ANKDD1A: variants seen among roughly 807,000 people sequenced by gnomAD.
ANKDD1A encodes ankyrin repeat and death domain-containing protein 1A.
ANKDD1A carries 59 observed loss-of-function variants against 63.5 expected under a neutral mutation model. The observed-to-expected ratio is 0.93, with a 90% CI of 0.75 to 1.15. ANKDD1A has a LOEUF of 1.15. ANKDD1A is among the 50% of genes most tolerant of loss of function. The pLI, the probability that ANKDD1A is intolerant of heterozygous loss-of-function variation, is 0.00. For missense variants in ANKDD1A, 632 were observed against 656.4 expected (o/e 0.96, Z 0.41); for synonymous variants, 266 against 263.9 (o/e 1.01, Z -0.08).
At chr15:64,933,831 A>C (rs2085107694) in intron 8 of ANKDD1A, among the ~76,000 whole-genome samples, 1 of 150,788 alleles carries the variant, frequency 6.6e-6, no homozygotes, top group South Asian at 2.1e-4. Context: ...ACAGAGTGAG[A>C]CTCTGTCTCG....
chr15:64,954,073 CTCTTTTCT>C (rs1405217626), intron 14 of ANKDD1A, among the ~76,000 whole-genome samples: 44,450 of 85,604 alleles, frequency 0.52, 8,052 homozygotes, highest in Non-Finnish European at 0.61. Context: ...TTTCTTCTTC[CTCTTTTCT>C]TCTTCTTTCT....
chr15:64,930,475 A>G (rs2085080851), intron 6 of ANKDD1A, among the ~76,000 whole-genome samples: 1 of 152,152 alleles, frequency 6.6e-6, no homozygotes, highest in African/African-American at 2.4e-5. Context: ...GAGGCAGGTG[A>G]CTGAGCCAAG....
intron 5 of ANKDD1A, 133 bp from the exon 6 acceptor site, chr15:64,926,768 G>A (rs78030869): frequency 0.011 from 9,756 of 874,876 alleles, 181 homozygotes; most frequent in East Asian, 0.068. Context: ...GAGGCAAGGG[G>A]AGAGGACAGT....
intron 14 of ANKDD1A, among the ~76,000 whole-genome samples, chr15:64,956,891 A>G (rs1469534786): frequency 6.6e-6 from 1 of 152,172 alleles, no homozygotes; most frequent in East Asian, 1.9e-4. Context: ...ATTCTAAAAC[A>G]TATTTGTGAT....
chr15:64,940,599 A>AT lies in ANKDD1A; in HGVS notation c.868-1862dup, dbSNP rs1176832156. Among the ~76,000 whole-genome samples the AT allele has an allele frequency of 1.9e-4, 6 of 31,748 alleles. No individual in the cohort carries two copies. In the East Asian group the frequency reaches 0.036, roughly 189 times the overall value. The allele number at this position is 31,748 out of a possible 152,430, so 20.8% of individuals were successfully genotyped here. On this transcript the variant is annotated intron_variant, in intron 9 of 14. Transcript: ENST00000319580. ...AGGCACCCGCCACCAAGCCCGGCTA[A>AT]TTTTTTGTATTTTTTTTTTTAGTAG...
intron 4 of ANKDD1A, among the ~76,000 whole-genome samples, chr15:64,925,803 G>A (rs565290662): frequency 6.6e-5 from 10 of 152,342 alleles, no homozygotes; most frequent in African/African-American, 2.4e-4. Flanking sequence ...GCTCAGAGAG[G>A]TGGAGGTAAC....
At chr15:64,921,873 C>A in intron 3 of ANKDD1A, 48 bp from the exon 4 acceptor site, 1 of 1,563,758 alleles carries the variant, frequency 6.4e-7, no homozygotes, top group Non-Finnish European at 8.8e-7. Context: ...GCTGGCACAG[C>A]CACGCCTTCC....
chr15:64,915,352 C>T (rs2084961295), intron 1 of ANKDD1A, among the ~76,000 whole-genome samples: 2 of 152,184 alleles, frequency 1.3e-5, no homozygotes, highest in African/African-American at 4.8e-5. Context: ...GTAAACATGC[C>T]TCTGGCCTCA....
chr15:64,957,127 A>G lies in ANKDD1A; in HGVS notation c.1508A>G (p.Gln503Arg). The G allele has an allele frequency of 2.3e-6, 1 of 442,402 alleles. No homozygotes were observed. Among genetic ancestry groups the G allele is most frequent in the Non-Finnish European group, 4.5e-6 (1 of 222,392 alleles). 27.4% of individuals were successfully genotyped at this position (442,402 alleles called of 1,614,324 possible). A position where few individuals can be genotyped will look rare whatever the true frequency, so the allele number is the denominator to read the frequency against. ...GGCTGGAGTACAATGGCGAGATCTC[A>G]GCTCACGGCAACCTCCGCCTCCCGG... ...LAGWSTMARS[Q>R]LTATSASRVQ... is the part of the protein sequence containing the mutation. The change falls in exon 15 of 15, where the codon CAG becomes CGG. Residue 503 changes from glutamine (Q) to arginine (R), a missense_variant. Physicochemically the swap from Gln to Arg is conservative, Grantham distance 43. Transcript: ENST00000319580.
At chr15:64,950,546 C>T (rs1055348646) in intron 14 of ANKDD1A, 53 of 985,296 alleles carry the variant, frequency 5.4e-5, no homozygotes, top group African/African-American at 4.0e-4. Context: ...AAGCCTTAAA[C>T]GCTGTGATAC....
intron 14 of ANKDD1A, among the ~76,000 whole-genome samples, chr15:64,951,595 C>T (rs865969921): frequency 3.0e-4 from 36 of 118,592 alleles, no homozygotes; most frequent in African/African-American, 7.7e-4. Context: ...CCTTTTCTTT[C>T]TTCTTTCTTC....
At chr15:64,952,705 CT>C (rs2085317747) in intron 14 of ANKDD1A, among the ~76,000 whole-genome samples, 4 of 135,830 alleles carry the variant, frequency 2.9e-5, no homozygotes, top group African/African-American at 8.5e-5. Context: ...CTTCTTAGTT[CT>C]TCTCCTTTCT....
At chr15:64,948,115 C>T (rs1291512279) in intron 13 of ANKDD1A, among the ~76,000 whole-genome samples, 1 of 152,108 alleles carries the variant, frequency 6.6e-6, no homozygotes, top group Non-Finnish European at 1.5e-5. Flanking sequence ...ACTAACACCA[C>T]AGAACTCCTA....
At chr15:64,953,041 TTC>T (rs2085329389) in intron 14 of ANKDD1A, among the ~76,000 whole-genome samples, 2 of 22,342 alleles carry the variant, frequency 9.0e-5, no homozygotes, top group South Asian at 1.7e-3. Flanking sequence ...TCTTCCTTTC[TTC>T]TTTCCTCTCT....
At chr15:64,914,043 ACTGGCATGAT>A in intron 1 of ANKDD1A, 1 of 150,900 alleles carries the variant, frequency 6.6e-6, no homozygotes. Flanking sequence ...GCTGGAGTGC[ACTGGCATGAT>A]CTCGGCTCAC....
intron 13 of ANKDD1A, among the ~76,000 whole-genome samples, chr15:64,948,157 A>G (rs1359720822): frequency 6.7e-6 from 1 of 149,870 alleles, no homozygotes; most frequent in Non-Finnish European, 1.5e-5. Context: ...AAAAATATAG[A>G]GAGAGAATCT....
chr15:64,958,287 C>G lies in ANKDD1A; in HGVS notation c.*1099C>G, dbSNP rs2085437977. 1 of 152,166 alleles carries G rather than the reference C, an allele frequency of 6.6e-6. No homozygotes were observed. Among genetic ancestry groups the G allele is most frequent in the Non-Finnish European group, 1.5e-5 (1 of 68,026 alleles). 9.4% of individuals were successfully genotyped at this position (152,166 alleles called of 1,614,324 possible). ...GTCAAAACCCATAGCATGTACAGCA[C>G]AAAGCGTTTGCTCTAATGTGAGCTA... On this transcript the variant is annotated 3_prime_UTR_variant, in exon 15 of 15. Transcript: ENST00000319580.
chr15:64,950,727 C>A lies in ANKDD1A; in HGVS notation c.1483+755C>A, dbSNP rs1028199555. ...CATATTATTGAGGGAAAAGAAAGGA[C>A]CGCCCCCCCCCCCCCCCCCCCCCAT... On this transcript the variant is annotated intron_variant, in intron 14 of 14. Coordinates refer to ENST00000319580, the MANE Select transcript of ANKDD1A (RefSeq NM_182703.6). 8.7e-5 allele frequency: 37 copies of A among 425,130 alleles called. No individual in the cohort carries two copies. The Admixed American group carries it at 0.016, about 182-fold the overall frequency. The allele number at this position is 425,130 out of a possible 1,614,324, so 26.3% of individuals were successfully genotyped here. A position where few individuals can be genotyped will look rare whatever the true frequency, so the allele number is the denominator to read the frequency against.
rs2085055100 is a variant in ANKDD1A at position 64,927,575 on chromosome 15, TA to T, written c.570+577del. ...TTATCATTGGACCCTTGTGAATCAT[TA>T]GGCAAAATATGTTACAGCAAATTCC... On this transcript the variant is annotated intron_variant, in intron 6 of 14. Coordinates refer to ENST00000319580, the MANE Select transcript of ANKDD1A (RefSeq NM_182703.6). Among the ~76,000 whole-genome samples, 3 of 151,856 alleles carry T rather than the reference TA, an allele frequency of 2.0e-5. No individual in the cohort carries two copies. The South Asian group carries it at 6.3e-4, about 32-fold the overall frequency.
Sources: allele counts gnomAD v4.1 joint callset (sites outside exome capture counted in the v4.1 genomes callset), GRCh38; gene constraint gnomAD v4.1.1; transcripts MANE v1.5; gene names NCBI Gene and HGNC (gene_info 2026-07-23, HGNC 2026-07-21).